OSBPL3: variants seen among roughly 807,000 people sequenced by gnomAD.
The protein encoded by OSBPL3 is oxysterol-binding protein-related protein 3.
In OSBPL3, 65 loss-of-function variants were observed where a neutral mutation model predicts 120.1. The observed-to-expected ratio is 0.54, with a 90% CI of 0.44 to 0.67. The LOEUF (loss-of-function observed/expected upper bound fraction) is 0.67, where lower values mean the gene tolerates loss of function less well. Ranked by LOEUF, OSBPL3 falls within the 30% of genes least tolerant of loss-of-function variation. The pLI, the probability that OSBPL3 is intolerant of heterozygous loss-of-function variation, is 0.00. For synonymous variants in OSBPL3, 416 were observed against 402.6 expected (o/e 1.03, Z -0.40); for missense variants, 1,004 against 1,082.1 (o/e 0.93, Z 1.01).
intron 11 of OSBPL3, among the ~76,000 whole-genome samples, chr7:24,850,890 A>G (rs1021260109): frequency 6.6e-6 from 1 of 152,228 alleles, no homozygotes; most frequent in African/African-American, 2.4e-5. Context: ...TTAAACCCCA[A>G]TTGTGAATCC....
chr7:24,870,009 C>T (rs1202873891), intron 5 of OSBPL3, among the ~76,000 whole-genome samples: 1 of 152,228 alleles, frequency 6.6e-6, no homozygotes, highest in Non-Finnish European at 1.5e-5. Context: ...CCTGAGTTTA[C>T]ACTGGGCCAG....
intron 2 of OSBPL3, among the ~76,000 whole-genome samples, chr7:24,882,495 A>C (rs1213690307): frequency 1.3e-5 from 2 of 152,190 alleles, no homozygotes; most frequent in African/African-American, 2.4e-5. Flanking sequence ...CATCCATGCA[A>C]TCATTGGTGG....
At chr7:24,860,905 T>C (rs1203011845) in intron 10 of OSBPL3, among the ~76,000 whole-genome samples, 2 of 152,214 alleles carry the variant, frequency 1.3e-5, no homozygotes, top group Non-Finnish European at 2.9e-5. Flanking sequence ...TAGATTTGTG[T>C]GTGGACATAA....
Position 24,800,150 on chromosome 7 carries a change from A to C in OSBPL3, c.*33T>G. ...CACTTCAGAAGGCAAGCACAGGAGA[A>C]ATACACTAATGTTATCTTTCTTCTT... On this transcript the variant is annotated 3_prime_UTR_variant, in exon 23 of 23. Coordinates refer to ENST00000313367, the MANE Select transcript of OSBPL3 (RefSeq NM_015550.4). 1 of 1,237,096 alleles carries C rather than the reference A, an allele frequency of 8.1e-7. No homozygotes were observed. The highest frequency in any genetic ancestry group is 1.2e-6 in the Non-Finnish European group (1 of 836,850). The allele number at this position is 1,237,096 out of a possible 1,614,324, so 76.6% of individuals were successfully genotyped here. A position where few individuals can be genotyped will look rare whatever the true frequency, so the allele number is the denominator to read the frequency against.
In OSBPL3 at chr7:24,803,375, T is replaced by TG. The variant is rs546189300; in HGVS notation, c.2567+939_2567+940insC. Among the ~76,000 whole-genome samples, 18 of 152,296 alleles carry TG rather than the reference T, an allele frequency of 1.2e-4. No homozygotes were observed. In the East Asian group the frequency reaches 3.5e-3, roughly 29 times the overall value. On this transcript the variant is annotated intron_variant, in intron 22 of 22. Coordinates refer to ENST00000313367, the MANE Select transcript of OSBPL3 (RefSeq NM_015550.4). The surrounding 1 kb of genome is among the most constrained non-coding windows in gnomAD (Gnocchi z 4.2). ...AGAGTCAGGCCCCATTCCAGGGTAT[T>TG]ATACCGAGTCCTTCAACAGATCCCC...
In OSBPL3 at chr7:24,824,638, G is replaced by A. The variant is rs1411494412; in HGVS notation, c.1885-4400C>T. On this transcript the variant is annotated intron_variant, in intron 16 of 22. Transcript: ENST00000313367. This position sits in a 1 kb window ranked among gnomAD's most constrained non-coding sequence, Gnocchi z 4.9. ...TTATTGATTGCCTGTGATGTGTCAG[G>A]CACCGTCCTAGTCACCAAGGGTAAA... is the stretch of plus-strand genomic sequence containing the variant. Among the ~76,000 whole-genome samples the A allele has an allele frequency of 1.3e-5, 2 of 152,198 alleles. No individual in the cohort carries two copies. The highest frequency in any genetic ancestry group is 2.9e-5 in the Non-Finnish European group (2 of 68,032).
At chr7:24,809,985 T>C (rs758667680) in intron 19 of OSBPL3, 34 bp from the exon 20 acceptor site, 2 of 1,611,550 alleles carry the variant, frequency 1.2e-6, no homozygotes, top group South Asian at 2.2e-5. Flanking sequence ...CTTAGTCCTT[T>C]AGCATCAGCT....
chr7:24,895,727 G>A lies in OSBPL3; in HGVS notation c.-149-3106C>T, dbSNP rs192363707. Among the ~76,000 whole-genome samples, 703 of 152,210 alleles carry A rather than the reference G, an allele frequency of 4.6e-3. 3 individuals carry two copies. Among genetic ancestry groups the A allele is most frequent in the Non-Finnish European group, 7.8e-3 (530 of 68,002 alleles). ...ACCCCTGAGTGCTTTCACTCCACCC[G>A]GAGACCCTTCCATGGAAAACCTCTA... On this transcript the variant is annotated intron_variant, in intron 1 of 22. Coordinates refer to ENST00000313367, the MANE Select transcript of OSBPL3 (RefSeq NM_015550.4).
chr7:24,815,216 A>G lies in OSBPL3; in HGVS notation c.2028-13T>C. On this transcript the variant is annotated splice_polypyrimidine_tract_variant and intron_variant, in intron 18 of 22. Coordinates refer to ENST00000313367, the MANE Select transcript of OSBPL3 (RefSeq NM_015550.4). This position sits in a 1 kb window ranked among gnomAD's most constrained non-coding sequence, Gnocchi z 5.1. ...ATGATCCCCAAAACTAAAAAGAAGGAAAAAGTAGAAGTACCAATTTCTAGA... is the reference window on the plus strand; with the variant it reads ...ATGATCCCCAAAACTAAAAAGAAGGGAAAAGTAGAAGTACCAATTTCTAGA... 1 of 1,609,506 alleles carries G rather than the reference A, an allele frequency of 6.2e-7. No homozygotes were observed. Among genetic ancestry groups the G allele is most frequent in the South Asian group, 1.1e-5 (1 of 89,768 alleles).
At chr7:24,868,568 G>A (rs963130756) in intron 5 of OSBPL3, among the ~76,000 whole-genome samples, 5 of 152,100 alleles carry the variant, frequency 3.3e-5, no homozygotes, top group Admixed American at 6.5e-5. Flanking sequence ...TGAGAGCTAG[G>A]ATATGCAAAT....
rs1368028464 is a variant in OSBPL3 at position 24,798,183 on chromosome 7, G to C, written c.*2000C>G. On this transcript the variant is annotated 3_prime_UTR_variant, in exon 23 of 23. Transcript: ENST00000313367. This position sits in a 1 kb window ranked among gnomAD's most constrained non-coding sequence, Gnocchi z 4.6. The stretch of plus-strand genomic sequence containing the variant: ...TCTAAAATAAAGCATAAGGGCAAGT[G>C]AAATAACATTAGGATAATTAAAGAT... 6.6e-6 allele frequency: 1 copy of C among 152,166 alleles called. No individual in the cohort carries two copies. Among genetic ancestry groups the C allele is most frequent in the Non-Finnish European group, 1.5e-5 (1 of 68,020 alleles). 9.4% of individuals were successfully genotyped at this position (152,166 alleles called of 1,614,324 possible).
chr7:24,826,672 A>G (rs1795747692), intron 16 of OSBPL3, among the ~76,000 whole-genome samples: 1 of 152,152 alleles, frequency 6.6e-6, no homozygotes, highest in African/African-American at 2.4e-5. Flanking sequence ...CCTTCCACAG[A>G]GCGCCGTTTT....
intron 14 of OSBPL3, among the ~76,000 whole-genome samples, chr7:24,837,269 T>C (rs910095823): frequency 3.3e-5 from 5 of 152,162 alleles, no homozygotes; most frequent in African/African-American, 1.2e-4. Context: ...GGTGGTATGA[T>C]CATAGCTCAC....
At chr7:24,828,610 A>AAAG (rs1562785920) in intron 16 of OSBPL3, among the ~76,000 whole-genome samples, 14 of 124,242 alleles carry the variant, frequency 1.1e-4, no homozygotes, top group Non-Finnish European at 2.1e-4. Context: ...CTGTCTGAAA[A>AAAG]AAAAAAAAAA....
intron 10 of OSBPL3, among the ~76,000 whole-genome samples, chr7:24,853,468 G>C (rs1410750294): frequency 6.6e-6 from 1 of 152,172 alleles, no homozygotes; most frequent in East Asian, 1.9e-4. Flanking sequence ...TGACGAAAGA[G>C]AAAGAAAGGC....
intron 1 of OSBPL3, among the ~76,000 whole-genome samples, chr7:24,962,458 G>A (rs547108208): frequency 4.0e-5 from 6 of 149,078 alleles, no homozygotes; most frequent in Admixed American, 2.0e-4. Flanking sequence ...GAGGAGAGAG[G>A]AGGAGAGAGG....
At chr7:24,887,427 C>A (rs767887792) in intron 2 of OSBPL3, among the ~76,000 whole-genome samples, 1 of 152,122 alleles carries the variant, frequency 6.6e-6, no homozygotes, top group Non-Finnish European at 1.5e-5. Context: ...CCAGAACTGG[C>A]CAAAGTAAAA....
At chr7:24,935,568 C>T (rs1374088031) in intron 1 of OSBPL3, among the ~76,000 whole-genome samples, 1 of 151,874 alleles carries the variant, frequency 6.6e-6, no homozygotes, top group East Asian at 1.9e-4. Context: ...GGTGGTTAGG[C>T]CATATACTTC....
At chr7:24,971,798 G>A (rs1014023038) in intron 1 of OSBPL3, among the ~76,000 whole-genome samples, 6 of 152,130 alleles carry the variant, frequency 3.9e-5, no homozygotes, top group Admixed American at 1.3e-4. Context: ...CATGGAGAGC[G>A]CCCAACAGCT....
Sources: allele counts gnomAD v4.1 joint callset (sites outside exome capture counted in the v4.1 genomes callset), GRCh38; gene constraint gnomAD v4.1.1; non-coding constraint Gnocchi (gnomAD v3.1); transcripts MANE v1.5; gene names NCBI Gene and HGNC (gene_info 2026-07-23, HGNC 2026-07-21).